Variants in PRAMEF26 observed in about 807,000 individuals in gnomAD.
PRAMEF26 encodes the protein PRAME family member 26, also known as PRAME family member 25.
chr1:13,155,258 G>C (rs1642994845), intron 1 of PRAMEF26: 1 of 142,500 alleles, frequency 7.0e-6, no homozygotes, highest in Non-Finnish European at 1.6e-5. Context: ...GTGGCTCATG[G>C]CTCTAATCCC....
At chr1:13,154,836 G>A (rs1642989005) in intron 1 of PRAMEF26, 1 of 20,348 alleles carries the variant, frequency 4.9e-5, no homozygotes, top group South Asian at 1.1e-3. Context: ...TGTTGAGGGA[G>A]CTGAGTCTCA....
rs1553179376 is a variant in PRAMEF26 at position 13,149,434 on chromosome 1, G to C, written c.1240C>G (p.Leu414Val). 29 of 276,048 alleles carry C rather than the reference G, an allele frequency of 1.1e-4. 2 individuals are homozygous for C. In the Admixed American group the frequency reaches 1.6e-3, roughly 15 times the overall value. 17.1% of individuals were successfully genotyped at this position (276,048 alleles called of 1,614,324 possible). ...TIILKNLCLE[L>V]YPAPRESYGA... ...TAACTCTCCCGTGGGGCAGGATACA[G>C]CTCCAGGCATAAGTTTTTGAGTATG... The change falls in exon 4 of 4, where the codon CTG becomes GTG. Residue 414 changes from leucine (L) to valine (V), a missense_variant. Physicochemically the swap from Leu to Val is conservative, Grantham distance 32. Transcript: ENST00000624207.
intron 1 of PRAMEF26, chr1:13,155,204 G>A (rs1322309491): frequency 6.9e-6 from 1 of 145,412 alleles, no homozygotes; most frequent in Admixed American, 7.0e-5. Context: ...ATGCCACCAT[G>A]CCCAGCTAAT....
intron 3 of PRAMEF26, chr1:13,150,393 A>C: frequency 1.3e-5 from 1 of 76,620 alleles, no homozygotes; most frequent in East Asian, 5.9e-4. Context: ...GCAGAAAACC[A>C]CATCCCTGGG....
At chr1:13,155,832 C>T (rs1413786750) in intron 1 of PRAMEF26, 52 bp downstream of exon 1, 4 of 96,500 alleles carry the variant, frequency 4.1e-5, no homozygotes, top group Non-Finnish European at 3.8e-5. Context: ...CCATCCCAGA[C>T]CAGCTGACTG....
chr1:13,155,070 GTC>G (rs1311207421), intron 1 of PRAMEF26: 1 of 116,536 alleles, frequency 8.6e-6, no homozygotes, highest in African/African-American at 3.2e-5. Context: ...TTTGGACAGG[GTC>G]TCTCTCTTTT....
intron 1 of PRAMEF26, chr1:13,155,210 C>G (rs1252880464): frequency 6.5e-4 from 94 of 144,376 alleles, no homozygotes; most frequent in African/African-American, 2.2e-3. Flanking sequence ...CCATGCCCAG[C>G]TAATTAAAAA....
chr1:13,150,192 C>G (rs71629804), intron 3 of PRAMEF26: 10,145 of 182,454 alleles, frequency 0.056, 46 homozygotes, highest in South Asian at 0.066. Context: ...TCGCTTGAAC[C>G]CAGGAGGTGT....
intron 3 of PRAMEF26, 170 bp from the exon 4 acceptor site, chr1:13,149,968 C>G (rs1205166290): frequency 4.9e-6 from 1 of 205,796 alleles, no homozygotes; most frequent in South Asian, 3.7e-5. Context: ...GCTTTGCCAC[C>G]GAGGTCAATT....
At chr1:13,150,294 T>C (rs1642968262) in intron 3 of PRAMEF26, 1 of 183,472 alleles carries the variant, frequency 5.5e-6, no homozygotes, top group South Asian at 9.9e-5. Flanking sequence ...GAAAAAATAA[T>C]TCCATTTGAG....
At chr1:13,155,767 T>C (rs1210649712) in intron 1 of PRAMEF26, 117 bp downstream of exon 1, 2 of 102,382 alleles carry the variant, frequency 2.0e-5, no homozygotes, top group Non-Finnish European at 3.6e-5. Context: ...AAATTGTTCA[T>C]ATGAAAAAAA....
At chr1:13,155,162 C>T (rs1269710230) in intron 1 of PRAMEF26, 1 of 144,024 alleles carries the variant, frequency 6.9e-6, no homozygotes, top group African/African-American at 2.5e-5. Context: ...TTCTCCCACA[C>T]CAGCCACCCA....
At chr1:13,155,364 A>G (rs1642996234) in intron 1 of PRAMEF26, 1 of 104,550 alleles carries the variant, frequency 9.6e-6, no homozygotes, top group Non-Finnish European at 1.9e-5. Flanking sequence ...TACTAAAAAT[A>G]CAAAAATTAG....
In PRAMEF26 at chr1:13,155,875, A is replaced by G. The variant is rs1295164204; in HGVS notation, c.-17+9T>C. ...GATGGGAGTGTCCTTACAGAAATTA[A>G]TGACTTACCAGATCTGGATGTAGTT... On this transcript the variant is annotated intron_variant, in intron 1 of 3. Transcript: ENST00000624207. The G allele has an allele frequency of 2.5e-4, 22 of 88,472 alleles. 1 individual carries two copies. The highest frequency in any genetic ancestry group is 8.0e-4 in the African/African-American group (9 of 11,230). 5.5% of individuals were successfully genotyped at this position (88,472 alleles called of 1,614,324 possible). A position where few individuals can be genotyped will look rare whatever the true frequency, so the allele number is the denominator to read the frequency against.
intron 1 of PRAMEF26, chr1:13,155,012 T>A (rs1642990679): frequency 1.2e-5 from 1 of 86,146 alleles, no homozygotes; most frequent in African/African-American, 4.5e-5. Flanking sequence ...GTGATTGCTT[T>A]AAAATTAAGG....
intron 1 of PRAMEF26, chr1:13,155,056 GT>G (rs1366610921): frequency 3.1e-5 from 3 of 95,572 alleles, no homozygotes; most frequent in African/African-American, 8.0e-5. Context: ...TGTTGCTTTT[GT>G]TTTTTGGACA....
intron 1 of PRAMEF26, 83 bp downstream of exon 1, chr1:13,155,801 C>A (rs1304575267): frequency 9.9e-6 from 1 of 100,590 alleles, no homozygotes. Flanking sequence ...TAGCTCTGTG[C>A]CATCGTAGGC....
chr1:13,155,056 G>C (rs1380662412), intron 1 of PRAMEF26: 1 of 95,572 alleles, frequency 1.0e-5, no homozygotes, highest in Non-Finnish European at 2.2e-5. Context: ...TGTTGCTTTT[G>C]TTTTTTGGAC....
intron 1 of PRAMEF26, chr1:13,155,664 C>T (rs1432853171): frequency 2.3e-5 from 2 of 87,246 alleles, no homozygotes; most frequent in Non-Finnish European, 4.0e-5. Context: ...TCACTGCTCC[C>T]TTCAAGAATT....
Sources: gnomAD v4.1 joint callset for allele counts on GRCh38, gnomAD v4.1.1 for gene constraint, MANE v1.5 for transcripts, NCBI Gene and HGNC (gene_info 2026-07-23, HGNC 2026-07-21) for gene names.